The following MAML3 variants were observed in gnomAD, a reference collection of about 807,000 sequenced individuals.
MAML3 encodes mastermind-like protein 3.
A neutral mutation model predicts 101.9 loss-of-function variants in MAML3; 27 were observed. The ratio of observed to expected loss-of-function variants is 0.27; its 90% CI spans 0.20 to 0.37. The LOEUF (loss-of-function observed/expected upper bound fraction) is 0.37, where lower values mean the gene tolerates loss of function less well. MAML3 is among the 10% of genes least tolerant of loss of function. MAML3 has a pLI of 1.00. For missense variants in MAML3, 1,316 were observed against 1,444.9 expected (o/e 0.91, Z 1.45); for synonymous variants, 501 against 555.9 (o/e 0.90, Z 1.39).
chr4:139,946,161 C>T (rs1356067943), intron 1 of MAML3, among the ~76,000 whole-genome samples: 1 of 152,158 alleles, frequency 6.6e-6, no homozygotes, highest in Non-Finnish European at 1.5e-5. Context: ...ATTAATCATT[C>T]AAGATATGTA....
intron 1 of MAML3, among the ~76,000 whole-genome samples, chr4:139,934,943 A>G (rs1733476036): frequency 6.6e-6 from 1 of 152,158 alleles, no homozygotes; most frequent in African/African-American, 2.4e-5. Flanking sequence ...AGGTTTCCTT[A>G]GCATCACCTG....
At chr4:139,837,697 A>G (rs966014507) in intron 2 of MAML3, among the ~76,000 whole-genome samples, 1 of 152,156 alleles carries the variant, frequency 6.6e-6, no homozygotes, top group Non-Finnish European at 1.5e-5. Flanking sequence ...AGGCAGGCGG[A>G]TCACCTGAGG....
chr4:139,934,661 C>T (rs1733471173), intron 1 of MAML3, among the ~76,000 whole-genome samples: 1 of 152,138 alleles, frequency 6.6e-6, no homozygotes, highest in East Asian at 1.9e-4. Flanking sequence ...ACTTTAAAAG[C>T]ATGTGTAGTT....
At chr4:139,985,530 T>C (rs1578629308) in intron 1 of MAML3, among the ~76,000 whole-genome samples, 1 of 152,256 alleles carries the variant, frequency 6.6e-6, no homozygotes, top group African/African-American at 2.4e-5. Context: ...TGAGCTAAAA[T>C]AGATTGTAAG....
At chr4:139,801,829 C>T (rs1477024551) in intron 2 of MAML3, among the ~76,000 whole-genome samples, 1 of 152,056 alleles carries the variant, frequency 6.6e-6, no homozygotes, top group African/African-American at 2.4e-5. Context: ...GAACAGGTGA[C>T]AAACAGGAGT....
chr4:139,892,592 C>T (rs1311597046), intron 1 of MAML3, among the ~76,000 whole-genome samples: 1 of 96,670 alleles, frequency 1.0e-5, no homozygotes, highest in African/African-American at 3.5e-5. Context: ...CCTTATAATG[C>T]CACATTTTCC....
intron 1 of MAML3, among the ~76,000 whole-genome samples, chr4:139,989,052 G>A (rs1400826384): frequency 1.3e-5 from 2 of 152,092 alleles, no homozygotes; most frequent in Admixed American, 1.3e-4. Context: ...TTACTAAATT[G>A]CAAGTCGCCT....
chr4:139,874,877 C>T (rs1242198196), intron 2 of MAML3, among the ~76,000 whole-genome samples: 1 of 148,500 alleles, frequency 6.7e-6, no homozygotes, highest in African/African-American at 2.5e-5. Flanking sequence ...GATCTCAGCT[C>T]ACTGCAAGCT....
chr4:140,055,674 A>G (rs1727338497), intron 1 of MAML3, among the ~76,000 whole-genome samples: 1 of 152,192 alleles, frequency 6.6e-6, no homozygotes, highest in African/African-American at 2.4e-5. Context: ...ACATGTAAAC[A>G]TGACTACAAA....
chr4:139,978,738 C>G (rs537500924), intron 1 of MAML3, among the ~76,000 whole-genome samples: 1 of 152,200 alleles, frequency 6.6e-6, no homozygotes, highest in East Asian at 1.9e-4. Context: ...GTCCCCCATC[C>G]CTAATCTGTC....
chr4:139,885,780 A>T (rs1454056723), intron 2 of MAML3, among the ~76,000 whole-genome samples: 3 of 150,338 alleles, frequency 2.0e-5, no homozygotes, highest in African/African-American at 4.9e-5. Context: ...AAAAAAAAAA[A>T]AAATTAGCCA....
At position 139,890,229 on chromosome 4, in the gene MAML3, C is replaced by T. The variant is rs1305830819; in HGVS notation, c.1207G>A (p.Ala403Thr). 5 of 1,613,418 alleles carry T rather than the reference C, an allele frequency of 3.1e-6. No individual in the cohort carries two copies. The highest frequency in any genetic ancestry group is 1.3e-5 in the African/African-American group (1 of 74,902). The change falls in exon 2 of 5, where the codon GCT (alanine) becomes ACT (threonine). Residue 403 changes from alanine (A) to threonine (T), a missense_variant. Transcript: ENST00000509479. The surrounding 1 kb of genome is among the most constrained non-coding windows in gnomAD (Gnocchi z 4.1). ...SLPSVASTPA[A>T]PNPASSPANC... Reference sequence around the variant, plus strand: ...GCTGGTGAGCTTGCAGGGTTTGGAGCTGCGGGAGTGCTGGCAACAGAAGGT... The same window carrying T: ...GCTGGTGAGCTTGCAGGGTTTGGAGTTGCGGGAGTGCTGGCAACAGAAGGT...
intron 1 of MAML3, among the ~76,000 whole-genome samples, chr4:139,931,238 C>T (rs149725715): frequency 1.1e-3 from 174 of 152,310 alleles, no homozygotes; most frequent in Non-Finnish European, 2.2e-3. Flanking sequence ...CACACAGCCT[C>T]GCTCTTCTGC....
intron 2 of MAML3, among the ~76,000 whole-genome samples, chr4:139,738,958 A>C (rs1185442267): frequency 1.3e-5 from 2 of 152,230 alleles, no homozygotes; most frequent in Non-Finnish European, 2.9e-5. Context: ...TAACTTTCCA[A>C]GTGCTTCCAA....
intron 1 of MAML3, among the ~76,000 whole-genome samples, chr4:140,044,248 T>TA (rs1436504966): frequency 6.6e-6 from 1 of 152,164 alleles, no homozygotes; most frequent in Non-Finnish European, 1.5e-5. Flanking sequence ...TCCCTTTGGT[T>TA]AAGGAAAGGA....
chr4:140,026,927 C>T (rs1378873062), intron 1 of MAML3, among the ~76,000 whole-genome samples: 2 of 151,970 alleles, frequency 1.3e-5, no homozygotes, highest in Non-Finnish European at 2.9e-5. Flanking sequence ...ATAAATAATG[C>T]TTTATATGTG....
chr4:139,845,595 A>T (rs971741281), intron 2 of MAML3, among the ~76,000 whole-genome samples: 4 of 152,204 alleles, frequency 2.6e-5, no homozygotes, highest in African/African-American at 9.7e-5. Flanking sequence ...TGAGATCAAG[A>T]CAAAGCAGGA....
chr4:139,799,305 C>A (rs1730566747), intron 2 of MAML3, among the ~76,000 whole-genome samples: 1 of 152,174 alleles, frequency 6.6e-6, no homozygotes, highest in African/African-American at 2.4e-5. Context: ...GATCAACCGT[C>A]CTTGGAGTGA....
At chr4:139,978,641 A>C (rs1734389373) in intron 1 of MAML3, among the ~76,000 whole-genome samples, 1 of 133,970 alleles carries the variant, frequency 7.5e-6, no homozygotes, top group African/African-American at 2.6e-5. Context: ...GAGAGCACAC[A>C]ACTGCGCTAG....
Sources: gnomAD v4.1 joint callset for allele counts (sites outside exome capture counted in the v4.1 genomes callset) on GRCh38, gnomAD v4.1.1 for gene constraint, Gnocchi (gnomAD v3.1) non-coding constraint, MANE v1.5 for transcripts, NCBI Gene and HGNC (gene_info 2026-07-23, HGNC 2026-07-21) for gene names.